The following BEND6 variants were observed in gnomAD, a reference collection of about 807,000 sequenced individuals.
The protein encoded by BEND6 is BEN domain containing 6.
In BEND6, 24 loss-of-function variants were observed where a neutral mutation model predicts 31.8. That is an observed-to-expected ratio of 0.75 (90% CI 0.55 to 1.06). The LOEUF (loss-of-function observed/expected upper bound fraction) is 1.06. Ranked by LOEUF, BEND6 falls within the 50% of genes least tolerant of loss-of-function variation. The probability of loss-of-function intolerance (pLI) is 0.00; values close to 1 mark genes in which losing one functional copy is unlikely to be tolerated. For missense variants in BEND6, 294 were observed against 327.4 expected, an observed-to-expected ratio of 0.90 and a Z score of 0.79; for synonymous variants, 109 against 114.6, an observed-to-expected ratio of 0.95 and a Z score of 0.31.
intron 6 of BEND6, 140 bp downstream of exon 6, chr6:57,018,697 C>T: frequency 1.1e-6 from 1 of 908,304 alleles, no homozygotes; most frequent in South Asian, 3.7e-5. Context: ...TTCCTGGTGG[C>T]AAAAGGGGAG....
chr6:56,971,047 G>T (rs191750566), intron 1 of BEND6, among the ~76,000 whole-genome samples: 4 of 151,812 alleles, frequency 2.6e-5, no homozygotes, highest in African/African-American at 9.7e-5. Flanking sequence ...TAGTATTATT[G>T]TGCAACCATC....
chr6:56,970,862 A>G (rs766976668), intron 1 of BEND6, among the ~76,000 whole-genome samples: 26 of 152,194 alleles, frequency 1.7e-4, no homozygotes, highest in Non-Finnish European at 3.2e-4. Flanking sequence ...TCTTTAACCA[A>G]ATCATATCTG....
chr6:56,968,435 C>G (rs1825568596), intron 1 of BEND6, among the ~76,000 whole-genome samples: 1 of 150,446 alleles, frequency 6.6e-6, no homozygotes, highest in Non-Finnish European at 1.5e-5. Context: ...ATCCTCCCAC[C>G]TCAGCCTCCC....
chr6:56,974,914 A>C (rs1196295273), intron 1 of BEND6, among the ~76,000 whole-genome samples: 1 of 152,096 alleles, frequency 6.6e-6, no homozygotes, highest in Non-Finnish European at 1.5e-5. Context: ...TGAGGTCAGG[A>C]GTTCAAGACC....
At chr6:56,959,983 G>T (rs189557744) in intron 1 of BEND6, among the ~76,000 whole-genome samples, 45 of 152,318 alleles carry the variant, frequency 3.0e-4, no homozygotes, top group Middle Eastern at 3.4e-3. Flanking sequence ...TTTCAAAAAA[G>T]TCAGCTGAGT....
At chr6:57,002,817 CA>C (rs150393626) in intron 3 of BEND6, among the ~76,000 whole-genome samples, 19,439 of 151,824 alleles carry the variant, frequency 0.13, 1,451 homozygotes, top group Middle Eastern at 0.2. Flanking sequence ...TCAAGAAAAA[CA>C]AACCCCAAAG....
intron 6 of BEND6, 22 bp from the exon 7 acceptor site, chr6:57,026,060 C>T (rs1182893347): frequency 2.6e-5 from 4 of 152,132 alleles, no homozygotes; most frequent in Non-Finnish European, 4.4e-5. Context: ...ATTTGTATTT[C>T]TTTGAAATTT....
At chr6:56,964,152 G>A (rs1253932813) in intron 1 of BEND6, among the ~76,000 whole-genome samples, 2 of 151,746 alleles carry the variant, frequency 1.3e-5, no homozygotes, top group Non-Finnish European at 2.9e-5. Context: ...AAGATTACAT[G>A]GGTAGTAAGT....
intron 3 of BEND6, among the ~76,000 whole-genome samples, chr6:56,996,506 G>A (rs1292508894): frequency 6.6e-6 from 1 of 152,014 alleles, no homozygotes; most frequent in Non-Finnish European, 1.5e-5. Flanking sequence ...AGCTATGATT[G>A]TCAGAGTTCT....
At chr6:56,984,724 G>A (rs1478357310) in intron 2 of BEND6, among the ~76,000 whole-genome samples, 1 of 152,134 alleles carries the variant, frequency 6.6e-6, no homozygotes, top group Non-Finnish European at 1.5e-5. Context: ...TACGGCATCT[G>A]TGTTCAGCCT....
In BEND6 at chr6:56,988,583, T is replaced by G. The variant is rs147680494; in HGVS notation, c.121-3795T>G. 3.7e-3 allele frequency among the ~76,000 whole-genome samples: 558 copies of G among 152,332 alleles called. 3 individuals carry two copies. Among genetic ancestry groups the G allele is most frequent in the African/African-American group, 0.011 (470 of 41,576 alleles). On this transcript the variant is annotated intron_variant, in intron 2 of 6. Coordinates refer to ENST00000370746, the MANE Select transcript of BEND6 (RefSeq NM_152731.3). Reference sequence around the variant, plus strand: ...CAACTTTTATTTTTTACTTAAAAAATACAATGATCTCCAATAAAGCTGCTG... The same window carrying G: ...CAACTTTTATTTTTTACTTAAAAAAGACAATGATCTCCAATAAAGCTGCTG...
At chr6:57,024,802 C>T (rs1383961864) in intron 6 of BEND6, among the ~76,000 whole-genome samples, 1 of 152,178 alleles carries the variant, frequency 6.6e-6, no homozygotes, top group Non-Finnish European at 1.5e-5. Context: ...ACTTTCCACT[C>T]CTTGCTCTTG....
At chr6:57,005,389 T>C (rs1167597987) in intron 3 of BEND6, among the ~76,000 whole-genome samples, 1 of 152,150 alleles carries the variant, frequency 6.6e-6, no homozygotes. Context: ...ATAGAAAGAC[T>C]TGTGGGCCAC....
chr6:57,009,514 T>A (rs1209038761), intron 3 of BEND6: 1 of 152,208 alleles, frequency 6.6e-6, no homozygotes, highest in Non-Finnish European at 1.5e-5. Context: ...CAATTAGATG[T>A]GCCCTTGTAA....
At chr6:56,966,595 A>G (rs1433792044) in intron 1 of BEND6, among the ~76,000 whole-genome samples, 1 of 151,062 alleles carries the variant, frequency 6.6e-6, no homozygotes, top group Non-Finnish European at 1.5e-5. Flanking sequence ...TTTATTGACA[A>G]TTGATTGGGA....
At chr6:57,003,512 G>A (rs1827021830) in intron 3 of BEND6, among the ~76,000 whole-genome samples, 1 of 146,528 alleles carries the variant, frequency 6.8e-6, no homozygotes, top group African/African-American at 2.6e-5. Flanking sequence ...AAAACAAACA[G>A]CAACAACAAC....
chr6:56,968,720 A>AT, intron 1 of BEND6, among the ~76,000 whole-genome samples: 1 of 152,028 alleles, frequency 6.6e-6, no homozygotes, highest in East Asian at 1.9e-4. Flanking sequence ...CACACTGACC[A>AT]TTTTTTTAAT....
chr6:57,014,361 C>A (rs1827455989), intron 3 of BEND6: 2 of 572,240 alleles, frequency 3.5e-6, no homozygotes. Context: ...AGAGTTTTTT[C>A]ACCTCTCCAG....
intron 2 of BEND6, among the ~76,000 whole-genome samples, chr6:56,983,062 A>G (rs1238802975): frequency 1.3e-5 from 2 of 152,198 alleles, no homozygotes; most frequent in African/African-American, 4.8e-5. Flanking sequence ...ATTTAATACA[A>G]ACCACACAAC....
Sources: allele counts gnomAD v4.1 joint callset (sites outside exome capture counted in the v4.1 genomes callset), GRCh38; gene constraint gnomAD v4.1.1; transcripts MANE v1.5; gene names NCBI Gene and HGNC (gene_info 2026-07-23, HGNC 2026-07-21).